The following VNN2 variants were observed in gnomAD, a reference collection of about 807,000 sequenced individuals.
The protein encoded by VNN2 is vanin 2.
Under a neutral mutation model 43.0 loss-of-function variants are expected in VNN2, and 43 were observed. The observed-to-expected ratio is 1.00, with a 90% CI of 0.78 to 1.29. VNN2 has a LOEUF of 1.29. VNN2 is among the 50% of genes most tolerant of loss of function. The pLI is 0.00. For missense variants in VNN2, 652 were observed against 619.7 expected (o/e 1.05, Z -0.55); for synonymous variants, 230 against 224.3 (o/e 1.03, Z -0.23).
At chr6:132,750,511 ATATT>A (rs1779999393) in intron 5 of VNN2, among the ~76,000 whole-genome samples, 1 of 71,620 alleles carries the variant, frequency 1.4e-5, no homozygotes, top group African/African-American at 5.2e-5. Flanking sequence ...ATATATATAT[ATATT>A]TTTCCAGGTG....
chr6:132,753,961 A>T (rs1301059309), intron 3 of VNN2: 1 of 64,610 alleles, frequency 1.5e-5, no homozygotes, highest in African/African-American at 6.1e-5. Context: ...TAAAAAAAAA[A>T]AAAAAAAAAA....
upstream of VNN2, among the ~76,000 whole-genome samples, chr6:132,758,549 C>A (rs1489800494): frequency 6.6e-6 from 1 of 152,020 alleles, no homozygotes; most frequent in Non-Finnish European, 1.5e-5. Context: ...AACTAACTCT[C>A]GTGTAAAAAA....
At chr6:132,755,179 T>C (rs34779779) in intron 3 of VNN2, among the ~76,000 whole-genome samples, 3,834 of 151,746 alleles carry the variant, frequency 0.025, 144 homozygotes, top group African/African-American at 0.085. Context: ...TAAAAAAATA[T>C]AAAATTATTG....
chr6:132,757,606 C>T, intron 1 of VNN2, 60 bp from the exon 2 acceptor site: 1 of 1,607,416 alleles, frequency 6.2e-7, no homozygotes, highest in Admixed American at 1.7e-5. Flanking sequence ...CAATTCAGCT[C>T]TCTCGTCTTC....
intron 4 of VNN2, among the ~76,000 whole-genome samples, chr6:132,752,036 C>T (rs1191023926): frequency 6.6e-6 from 1 of 152,162 alleles, no homozygotes; most frequent in African/African-American, 2.4e-5. Flanking sequence ...CCTTTTCTCT[C>T]TTGTCCCCTC....
chr6:132,746,273 G>T (rs973698290), intron 6 of VNN2, among the ~76,000 whole-genome samples: 2 of 152,212 alleles, frequency 1.3e-5, no homozygotes, highest in African/African-American at 4.8e-5. Context: ...TAAAGTGGTG[G>T]TGGGGGTTGA....
At chr6:132,752,858 A>G (rs545141370) in intron 3 of VNN2, 109 bp from the exon 4 acceptor site, 16 of 1,221,912 alleles carry the variant, frequency 1.3e-5, no homozygotes, top group Non-Finnish European at 1.8e-5. Flanking sequence ...ACTGCAGGGA[A>G]TCTCCTAGGA....
intron 3 of VNN2, chr6:132,753,091 G>T: frequency 4.8e-6 from 1 of 209,728 alleles, no homozygotes; most frequent in African/African-American, 2.4e-5. Flanking sequence ...CTATCACCCA[G>T]GCTGGAGTGC....
At chr6:132,746,829 G>C (rs33966619) in intron 6 of VNN2, among the ~76,000 whole-genome samples, 7,210 of 152,068 alleles carry the variant, frequency 0.047, 257 homozygotes, top group Non-Finnish European at 0.072. Context: ...TGGTGTTCTC[G>C]CTTATCTATC....
chr6:132,752,465 CAT>C lies in VNN2; in HGVS notation c.820_821del (p.Met274AspfsTer17), dbSNP rs768908410. 4.3e-6 allele frequency: 7 copies of C among 1,611,704 alleles called. No individual in the cohort carries two copies. The Admixed American group carries it at 1.2e-4, about 27-fold the overall frequency. The part of the protein sequence containing the change: ...VANTHHVSLN[M>X]TGSGIYAPNG... Reference sequence around the variant, plus strand: ...CCTAACCTGGTCATGAATTACCTGTCATATTTAGGCTGACATGATGTGTGTTG... The same window carrying C: ...CCTAACCTGGTCATGAATTACCTGTCATTTAGGCTGACATGATGTGTGTTG... On this transcript the variant is annotated frameshift_variant, in exon 4 of 7. Coordinates refer to ENST00000326499, the MANE Select transcript of VNN2 (RefSeq NM_004665.6). LOFTEE classifies it high-confidence loss of function.
upstream of VNN2, among the ~76,000 whole-genome samples, chr6:132,758,251 G>C (rs574408500): frequency 6.6e-6 from 1 of 151,774 alleles, no homozygotes; most frequent in South Asian, 2.1e-4. Context: ...CACAATATTG[G>C]CCAGGCTGGT....
chr6:132,761,303 A>C (rs189601185), upstream of VNN2, among the ~76,000 whole-genome samples: 1 of 152,126 alleles, frequency 6.6e-6, no homozygotes, highest in African/African-American at 2.4e-5. Context: ...AACTTAGCTA[A>C]AGGGGTAAAA....
chr6:132,747,512 G>A (rs1431704461), intron 6 of VNN2, among the ~76,000 whole-genome samples: 1 of 152,140 alleles, frequency 6.6e-6, no homozygotes, highest in Non-Finnish European at 1.5e-5. Context: ...AGCTACTTAT[G>A]AGGCTGAGGC....
chr6:132,752,864 T>A, intron 3 of VNN2, 115 bp from the exon 4 acceptor site: 1 of 1,151,070 alleles, frequency 8.7e-7, no homozygotes, highest in Non-Finnish European at 1.2e-6. Flanking sequence ...GGGAATCTCC[T>A]AGGAAGCGGA....
At position 132,756,030 on chromosome 6, in the gene VNN2, C is replaced by T; in HGVS notation, c.350G>A (p.Gly117Asp). 6.3e-7 allele frequency: 1 copy of T among 1,592,274 alleles called. No homozygotes were observed. The highest frequency in any genetic ancestry group is 8.5e-7 in the Non-Finnish European group (1 of 1,171,704). ...WIPCQDPHRF[G>D]HTPVQARLSC... ...GAGTCTTGCTTGTACTGGTGTGTGA[C>T]CAAATCTAAACCAAATTATAATTAA... The change falls in exon 3 of 7, where the codon GGT (glycine) becomes GAT (aspartate). Residue 117 changes from glycine (G) to aspartate (D), a missense_variant. Gly to Asp is a moderately conservative substitution (Grantham distance 94). Coordinates refer to ENST00000326499, the MANE Select transcript of VNN2 (RefSeq NM_004665.6).
chr6:132,751,641 A>G (rs1780112417), intron 4 of VNN2, 123 bp from the exon 5 acceptor site: 13 of 1,183,136 alleles, frequency 1.1e-5, no homozygotes, highest in Non-Finnish European at 1.5e-5. Context: ...GAGAGAGGAT[A>G]CATGCTTCTA....
chr6:132,756,269 CCT>C (rs1188836950), intron 2 of VNN2, among the ~76,000 whole-genome samples: 1 of 152,150 alleles, frequency 6.6e-6, no homozygotes, highest in Non-Finnish European at 1.5e-5. Context: ...TCAAGGGTCT[CCT>C]CTCTACTGAA....
intron 6 of VNN2, among the ~76,000 whole-genome samples, chr6:132,749,360 A>T (rs1194644809): frequency 6.6e-6 from 1 of 152,224 alleles, no homozygotes; most frequent in Non-Finnish European, 1.5e-5. Context: ...GAACAAGCTC[A>T]GGTTTGCTGA....
At chr6:132,752,408 C>A in intron 4 of VNN2, 53 bp downstream of exon 4, 1 of 1,539,390 alleles carries the variant, frequency 6.5e-7, no homozygotes, top group South Asian at 1.3e-5. Flanking sequence ...CTGAGGCATT[C>A]ATTTCTCTGC....
Sources: allele counts gnomAD v4.1 joint callset (sites outside exome capture counted in the v4.1 genomes callset), GRCh38; gene constraint gnomAD v4.1.1; transcripts MANE v1.5; gene names NCBI Gene and HGNC (gene_info 2026-07-23, HGNC 2026-07-21).